CLPTM1: variants seen among roughly 807,000 people sequenced by gnomAD.
The protein encoded by CLPTM1 is CLPTM1 regulator of GABA type A receptor forward trafficking, also known as putative lipid scramblase CLPTM1.
In CLPTM1, 21 loss-of-function variants were observed where a neutral mutation model predicts 77.3. The ratio of observed to expected loss-of-function variants is 0.27; its 90% CI spans 0.19 to 0.39. CLPTM1 has a LOEUF of 0.39. Among genes scored for constraint, CLPTM1 ranks in the 10% least tolerant of loss-of-function variants. CLPTM1 has a pLI of 1.00. For missense variants in CLPTM1, 642 were observed against 921.2 expected (o/e 0.70, Z 3.92); for synonymous variants, 373 against 381.0 (o/e 0.98, Z 0.24).
Position 44,993,059 on chromosome 19 carries a change from C to CGGTGGG in CLPTM1, c.*162_*163insGGTGGG. The CGGTGGG allele has an allele frequency of 1.1e-6, 1 of 895,376 alleles. No individual in the cohort carries two copies. The highest frequency in any genetic ancestry group is 1.8e-6 in the Non-Finnish European group (1 of 556,006). 55.5% of individuals were successfully genotyped at this position (895,376 alleles called of 1,614,324 possible). A position where few individuals can be genotyped will look rare whatever the true frequency, so the allele number is the denominator to read the frequency against. On this transcript the variant is annotated 3_prime_UTR_variant, in exon 14 of 14. Transcript: ENST00000337392. Reference sequence around the variant, plus strand: ...CCAGCGTGTGATGTAGGGGCCGGGGCAGGCCAGGGTTTGTTTGTGGAGGCG... The same window carrying CGGTGGG: ...CCAGCGTGTGATGTAGGGGCCGGGGCGGTGGGAGGCCAGGGTTTGTTTGTGGAGGCG...
chr19:44,986,137 C>T (rs1334757285), intron 6 of CLPTM1, among the ~76,000 whole-genome samples: 5 of 152,066 alleles, frequency 3.3e-5, no homozygotes, highest in Admixed American at 6.6e-5. Flanking sequence ...CACTTGAGCC[C>T]GGAAGTTCAA....
At chr19:44,962,190 C>T (rs1970555176) in intron 2 of CLPTM1, 115 bp downstream of exon 2, 3 of 463,224 alleles carry the variant, frequency 6.5e-6, no homozygotes, top group South Asian at 5.5e-5. Flanking sequence ...GGTAGAGTTG[C>T]TTTTTTTCTT....
intron 5 of CLPTM1, chr19:44,984,405 A>G (rs1218609838): frequency 2.6e-5 from 4 of 152,308 alleles, no homozygotes; most frequent in African/African-American, 9.6e-5. Flanking sequence ...TGGCAGGAGA[A>G]TGACTGCATA....
intron 1 of CLPTM1, among the ~76,000 whole-genome samples, chr19:44,957,632 T>C (rs1224397999): frequency 6.6e-6 from 1 of 152,210 alleles, no homozygotes; most frequent in East Asian, 1.9e-4. Context: ...ATTGTGTGTG[T>C]GCGTGGACGT....
chr19:44,958,013 G>A (rs1188317548), intron 1 of CLPTM1, among the ~76,000 whole-genome samples: 4 of 152,128 alleles, frequency 2.6e-5, no homozygotes, highest in African/African-American at 7.2e-5. Context: ...CAGCAGTTCA[G>A]ATGGCTCTGC....
intron 2 of CLPTM1, 86 bp downstream of exon 2, chr19:44,962,161 A>T (rs1970554780): frequency 5.4e-6 from 4 of 744,130 alleles, no homozygotes; most frequent in African/African-American, 3.6e-5. Flanking sequence ...TCAGCTGAGG[A>T]TGGTGATCAT....
Position 44,990,726 on chromosome 19 carries a change from G to A in CLPTM1, c.1324-124G>A, listed in dbSNP as rs577117723. 1.2e-4 allele frequency: 162 copies of A among 1,307,338 alleles called. 4 individuals are homozygous for A. The South Asian group carries it at 2.0e-3, about 16-fold the overall frequency. 81.0% of individuals were successfully genotyped at this position (1,307,338 alleles called of 1,614,324 possible). A position where few individuals can be genotyped will look rare whatever the true frequency, so the allele number is the denominator to read the frequency against. On this transcript the variant is annotated intron_variant, in intron 10 of 13. Coordinates refer to ENST00000337392, the MANE Select transcript of CLPTM1 (RefSeq NM_001294.4). This position sits in a 1 kb window ranked among gnomAD's most constrained non-coding sequence, Gnocchi z 4.8. Reference sequence around the variant, plus strand: ...AGGACTGAGGGGATTTTCTCACCAGGGGATTTTTTGGGTCACACATGGGGC... The same window carrying A: ...AGGACTGAGGGGATTTTCTCACCAGAGGATTTTTTGGGTCACACATGGGGC...
Position 44,993,063 on chromosome 19 carries a change from C to A in CLPTM1, c.*166C>A, listed in dbSNP as rs929129060. On this transcript the variant is annotated 3_prime_UTR_variant, in exon 14 of 14. Coordinates refer to ENST00000337392, the MANE Select transcript of CLPTM1 (RefSeq NM_001294.4). Reference sequence around the variant, plus strand: ...CGTGTGATGTAGGGGCCGGGGCAGGCCAGGGTTTGTTTGTGGAGGCGCTGT... The same window carrying A: ...CGTGTGATGTAGGGGCCGGGGCAGGACAGGGTTTGTTTGTGGAGGCGCTGT... The A allele has an allele frequency of 5.7e-6, 5 of 881,378 alleles. No homozygotes were observed. The highest frequency in any genetic ancestry group is 9.2e-6 in the Non-Finnish European group (5 of 542,804). The allele number at this position is 881,378 out of a possible 1,614,324, so 54.6% of individuals were successfully genotyped here.
Position 44,992,648 on chromosome 19 carries a change from C to A in CLPTM1, c.1761C>A (p.Ile587=), listed in dbSNP as rs1421058204. 6.2e-7 allele frequency: 1 copy of A among 1,613,844 alleles called. No individual in the cohort carries two copies. Among genetic ancestry groups the A allele is most frequent in the Non-Finnish European group, 8.5e-7 (1 of 1,179,958 alleles). The part of the protein sequence containing the change: ...VFFIYLYQRW[I]YRVDPTRVNE... ...TCATCTACCTCTACCAACGGTGGATCTACCGCGTCGACCCCACCCGAGTCA... is the reference window on the plus strand; with the variant it reads ...TCATCTACCTCTACCAACGGTGGATATACCGCGTCGACCCCACCCGAGTCA... The change falls in exon 14 of 14, where the codon ATC becomes ATA. Residue 587 remains isoleucine, a synonymous_variant. Transcript: ENST00000337392. This position sits in a 1 kb window ranked among gnomAD's most constrained non-coding sequence, Gnocchi z 7.7.
chr19:44,992,205 C>A lies in CLPTM1; in HGVS notation c.1556-28C>A. On this transcript the variant is annotated intron_variant, in intron 12 of 13. Coordinates refer to ENST00000337392, the MANE Select transcript of CLPTM1 (RefSeq NM_001294.4). This position sits in a 1 kb window ranked among gnomAD's most constrained non-coding sequence, Gnocchi z 7.7. ...CAGGGGAGAGGTGGGAGAGGCCATC[C>A]CTCTGCTCATGGGTGCTCTCACTGC... The A allele has an allele frequency of 6.2e-7, 1 of 1,612,906 alleles. No individual in the cohort carries two copies. Among genetic ancestry groups the A allele is most frequent in the Non-Finnish European group, 8.5e-7 (1 of 1,179,260 alleles).
chr19:44,966,373 T>C (rs1054518134), intron 2 of CLPTM1, among the ~76,000 whole-genome samples: 1 of 152,018 alleles, frequency 6.6e-6, no homozygotes, highest in Non-Finnish European at 1.5e-5. Flanking sequence ...ATGCCGCCAC[T>C]GCACTCCAGC....
At chr19:44,970,291 C>T (rs1333799997) in intron 2 of CLPTM1, among the ~76,000 whole-genome samples, 3 of 146,888 alleles carry the variant, frequency 2.0e-5, no homozygotes, top group East Asian at 3.9e-4. Context: ...ATGGGTAGGC[C>T]ACCTGGTTCC....
Position 44,992,069 on chromosome 19 carries a change from G to T in CLPTM1, c.1556-164G>T, listed in dbSNP as rs536225331. ...GAGAGCTGTGCGGATGTGACAGAAG[G>T]CCCCACCAGTGCAGAGGCCGCTGGT... On this transcript the variant is annotated intron_variant, in intron 12 of 13. Transcript: ENST00000337392. The surrounding 1 kb of genome is among the most constrained non-coding windows in gnomAD (Gnocchi z 7.7). Among the ~76,000 whole-genome samples the T allele has an allele frequency of 6.6e-6, 1 of 152,108 alleles. No individual in the cohort carries two copies. Among genetic ancestry groups the T allele is most frequent in the Non-Finnish European group, 1.5e-5 (1 of 68,000 alleles).
At position 44,990,389 on chromosome 19, in the gene CLPTM1, G is replaced by A. The variant is rs375538345; in HGVS notation, c.1133-6G>A. On this transcript the variant is annotated splice_polypyrimidine_tract_variant and splice_region_variant and intron_variant, in intron 9 of 13. Coordinates refer to ENST00000337392, the MANE Select transcript of CLPTM1 (RefSeq NM_001294.4). The surrounding 1 kb of genome is among the most constrained non-coding windows in gnomAD (Gnocchi z 4.8). The stretch of plus-strand genomic sequence containing the variant: ...CTCCTGGTTCCCCCCTACCCCCTGC[G>A]CACAGATATCCAGTTCTGGAACAGC... 1.1e-5 allele frequency: 18 copies of A among 1,613,700 alleles called. No individual in the cohort carries two copies. The highest frequency in any genetic ancestry group is 6.7e-5 in the East Asian group (3 of 44,866).
upstream of CLPTM1, chr19:44,955,363 C>CGGGGGGGGGGG: frequency 2.9e-6 from 2 of 699,048 alleles, no homozygotes; most frequent in Non-Finnish European, 3.8e-6. Context: ...CGGGGCGGGG[C>CGGGGGGGGGGG]TGGCGGCGGG....
chr19:44,954,671 G>A, upstream of CLPTM1: 1 of 1,138,112 alleles, frequency 8.8e-7, no homozygotes, highest in Non-Finnish European at 1.1e-6. Context: ...GGAATTCTCA[G>A]AGCCCGTGAA....
chr19:44,968,587 A>G lies in CLPTM1; in HGVS notation c.186-4500A>G, dbSNP rs76345300. 4.5e-3 allele frequency among the ~76,000 whole-genome samples: 692 copies of G among 152,310 alleles called. 6 individuals carry two copies. Among genetic ancestry groups the G allele is most frequent in the African/African-American group, 0.015 (606 of 41,562 alleles). On this transcript the variant is annotated intron_variant, in intron 2 of 13. Transcript: ENST00000337392. ...GGTGCATGGATGAGGGGCCATGGCCATGAGCCCTCTGAGAGGGTCCACAGA... is the reference window on the plus strand; with the variant it reads ...GGTGCATGGATGAGGGGCCATGGCCGTGAGCCCTCTGAGAGGGTCCACAGA...
chr19:44,987,588 C>T (rs1390658376), intron 8 of CLPTM1, 165 bp downstream of exon 8: 9 of 920,984 alleles, frequency 9.8e-6, no homozygotes, highest in Non-Finnish European at 1.5e-5. Flanking sequence ...GAAGTGGGCA[C>T]CCAGCCCTCC....
chr19:44,955,562 T>G, intron 1 of CLPTM1, 95 bp downstream of exon 1: 5 of 1,031,734 alleles, frequency 4.8e-6, no homozygotes, highest in African/African-American at 1.7e-5. Flanking sequence ...TCCCGTGCAC[T>G]GGGGGCTCCT....
Sources: allele counts gnomAD v4.1 joint callset (sites outside exome capture counted in the v4.1 genomes callset), GRCh38; gene constraint gnomAD v4.1.1; non-coding constraint Gnocchi (gnomAD v3.1); transcripts MANE v1.5; gene names NCBI Gene and HGNC (gene_info 2026-07-23, HGNC 2026-07-21).